The following TENM2 variants were observed in gnomAD, a reference collection of about 807,000 sequenced individuals.
TENM2 encodes the protein teneurin transmembrane protein 2, also known as teneurin-2.
A neutral mutation model predicts 245.2 loss-of-function variants in TENM2; 52 were observed. That is an observed-to-expected ratio of 0.21 (90% CI 0.17 to 0.27). TENM2 has a LOEUF of 0.27. TENM2 is among the 10% of genes least tolerant of loss of function. The pLI, the probability that TENM2 is intolerant of heterozygous loss-of-function variation, is 1.00. For synonymous variants in TENM2, 1,363 were observed against 1,438.9 expected (o/e 0.95, Z 1.19); for missense variants, 3,046 against 3,666.8 (o/e 0.83, Z 4.37).
intron 2 of TENM2, among the ~76,000 whole-genome samples, chr5:167,692,636 T>C (rs1474366913): frequency 6.6e-6 from 1 of 152,228 alleles, no homozygotes; most frequent in Non-Finnish European, 1.5e-5. Context: ...ACTTCCAGTT[T>C]GTGTATGTGC....
At chr5:167,079,456 G>A in the TENM2 span, among the ~76,000 whole-genome samples, 2 of 150,932 alleles carry the variant, frequency 1.3e-5, no homozygotes, top group African/African-American at 4.9e-5. Flanking sequence ...TGGGATTGTG[G>A]GCATGCGCCA....
At chr5:167,413,963 A>G (rs189833885) in intron 2 of TENM2, among the ~76,000 whole-genome samples, 2 of 152,282 alleles carry the variant, frequency 1.3e-5, no homozygotes, top group African/African-American at 4.8e-5. Context: ...TATTGATGAA[A>G]GGAAAATTAT....
chr5:167,087,116 A>G, the TENM2 span, among the ~76,000 whole-genome samples: 9 of 152,088 alleles, frequency 5.9e-5, no homozygotes, highest in Admixed American at 4.6e-4. Flanking sequence ...CTCAATGCCT[A>G]CCTTTCACCC....
At chr5:167,457,439 T>C (rs1265814962) in intron 2 of TENM2, among the ~76,000 whole-genome samples, 1 of 152,044 alleles carries the variant, frequency 6.6e-6, no homozygotes, top group Non-Finnish European at 1.5e-5. Context: ...TTCAAGCGAT[T>C]CTCCTGCCTT....
the TENM2 span, among the ~76,000 whole-genome samples, chr5:166,979,098 C>G: frequency 6.6e-6 from 1 of 151,896 alleles, no homozygotes; most frequent in Non-Finnish European, 1.5e-5. Flanking sequence ...GATTCCAGAG[C>G]AGGTTGCACA....
the TENM2 span, among the ~76,000 whole-genome samples, chr5:167,061,394 A>G: frequency 1.3e-5 from 2 of 152,342 alleles, no homozygotes; most frequent in African/African-American, 4.8e-5. Flanking sequence ...GTTCTAGTCA[A>G]CTGGTGGCTG....
chr5:168,133,953 G>A (rs1268883098), intron 12 of TENM2, among the ~76,000 whole-genome samples: 1 of 151,998 alleles, frequency 6.6e-6, no homozygotes, highest in African/African-American at 2.4e-5. Context: ...TCAGGAGTTT[G>A]AGACCAGCCT....
At chr5:168,047,461 G>A in exon 6 of TENM2, 1 of 1,551,672 alleles carries the variant, frequency 6.4e-7, no homozygotes, top group Non-Finnish European at 8.7e-7. Context: ...GGCAACTCCA[G>A]CCTGCAGATG....
chr5:168,224,877 T>A (rs549009657), intron 23 of TENM2, among the ~76,000 whole-genome samples: 1 of 152,204 alleles, frequency 6.6e-6, no homozygotes, highest in East Asian at 1.9e-4. Context: ...CTTTCCTGGG[T>A]GTGAGAAGGG....
At chr5:167,566,124 C>T (rs1165370639) in intron 2 of TENM2, among the ~76,000 whole-genome samples, 2 of 151,352 alleles carry the variant, frequency 1.3e-5, no homozygotes, top group East Asian at 1.9e-4. Context: ...TCATTTTGTT[C>T]TGGAAACAGT....
chr5:168,117,145 G>A (rs1381165958), intron 9 of TENM2, among the ~76,000 whole-genome samples: 1 of 152,186 alleles, frequency 6.6e-6, no homozygotes, highest in African/African-American at 2.4e-5. Flanking sequence ...ACTGATTAAA[G>A]CTGTAGGTAA....
intron 9 of TENM2, among the ~76,000 whole-genome samples, chr5:168,112,609 G>GGGGT (rs879537406): frequency 1.3e-4 from 17 of 133,612 alleles, no homozygotes; most frequent in Non-Finnish European, 3.2e-5. Context: ...CAGTGGGCGG[G>GGGGT]GGGGGGGTCA....
chr5:167,772,504 T>C (rs1763465381), intron 2 of TENM2, among the ~76,000 whole-genome samples: 1 of 152,192 alleles, frequency 6.6e-6, no homozygotes, highest in South Asian at 2.1e-4. Context: ...TAGGTTTCCC[T>C]GGGGAAAGGG....
chr5:167,619,616 G>A (rs78057239), intron 2 of TENM2, among the ~76,000 whole-genome samples: 291 of 152,256 alleles, frequency 1.9e-3, no homozygotes, highest in Middle Eastern at 6.8e-3. Flanking sequence ...GACTCTCACA[G>A]TTGTCTTGAG....
chr5:167,585,679 G>C (rs2127693769), intron 2 of TENM2, among the ~76,000 whole-genome samples: 1 of 152,052 alleles, frequency 6.6e-6, no homozygotes, highest in Non-Finnish European at 1.5e-5. Flanking sequence ...AACAACCTTA[G>C]AGTCATGCTA....
intron 2 of TENM2, among the ~76,000 whole-genome samples, chr5:167,512,287 A>G (rs1489089111): frequency 6.6e-6 from 1 of 152,166 alleles, no homozygotes; most frequent in Non-Finnish European, 1.5e-5. Context: ...AAATTGAGTA[A>G]CATGCCTTAG....
At chr5:167,883,686 C>T (rs1774060263) in intron 3 of TENM2, among the ~76,000 whole-genome samples, 1 of 152,198 alleles carries the variant, frequency 6.6e-6, no homozygotes, top group South Asian at 2.1e-4. Flanking sequence ...TAGGCAAGCC[C>T]AGAGACTGGG....
At chr5:167,587,977 G>A (rs1269205217) in intron 2 of TENM2, among the ~76,000 whole-genome samples, 1 of 152,100 alleles carries the variant, frequency 6.6e-6, no homozygotes, top group Non-Finnish European at 1.5e-5. Context: ...TCCCTCTGCT[G>A]CCATTAGTGG....
intron 2 of TENM2, among the ~76,000 whole-genome samples, chr5:167,518,715 T>C (rs1770560261): frequency 1.3e-5 from 2 of 152,142 alleles, no homozygotes; most frequent in Admixed American, 6.5e-5. Context: ...AGTCACATCA[T>C]GACAGTGAAA....
Sources: gnomAD v4.1 joint callset for allele counts (sites outside exome capture counted in the v4.1 genomes callset) on GRCh38, gnomAD v4.1.1 for gene constraint, MANE v1.5 for transcripts, NCBI Gene and HGNC (gene_info 2026-07-23, HGNC 2026-07-21) for gene names.